TMLHE: variants seen among roughly 807,000 people sequenced by gnomAD.
TMLHE encodes trimethyllysine dioxygenase, mitochondrial.
TMLHE carries 18 observed loss-of-function variants against 25.7 expected under a neutral mutation model. The ratio of observed to expected loss-of-function variants is 0.70; its 90% CI spans 0.48 to 1.04. The LOEUF is 1.04. Among genes scored for constraint, TMLHE ranks in the 50% least tolerant of loss-of-function variants. The pLI is 0.00. For missense variants in TMLHE, 236 were observed against 259.0 expected (o/e 0.91, Z 0.61); for synonymous variants, 105 against 97.0 (o/e 1.08, Z -0.49).
intron 2 of TMLHE, among the ~76,000 whole-genome samples, chrX:155,525,069 CAAGGATCAA>C (rs2067211203): frequency 9.0e-6 from 1 of 111,465 alleles, no homozygotes; most frequent in African/African-American, 3.3e-5. Flanking sequence ...TGAAACCATT[CAAGGATCAA>C]AAGAAGGAAG....
intron 1 of TMLHE, among the ~76,000 whole-genome samples, chrX:155,601,151 C>T (rs1235732608): frequency 8.9e-6 from 1 of 111,891 alleles, no homozygotes; most frequent in African/African-American, 3.3e-5. Context: ...TTCCACAATA[C>T]ACAAAGACAG....
chrX:155,549,963 G>C (rs2067403347), intron 1 of TMLHE, among the ~76,000 whole-genome samples: 1 of 109,819 alleles, frequency 9.1e-6, no homozygotes, highest in Middle Eastern at 4.2e-3. Flanking sequence ...TTATGAGTGA[G>C]AACACGTGGT....
intron 1 of TMLHE, among the ~76,000 whole-genome samples, chrX:155,598,355 T>C (rs1557346800): frequency 9.1e-6 from 1 of 109,580 alleles, no homozygotes; most frequent in African/African-American, 3.3e-5. Flanking sequence ...ATATACACCA[T>C]GGAATACTAT....
At chrX:155,515,609 G>A (rs2067147323) in intron 3 of TMLHE, among the ~76,000 whole-genome samples, 1 of 111,436 alleles carries the variant, frequency 9.0e-6, no homozygotes, top group Admixed American at 9.5e-5. Flanking sequence ...CAGTACATAT[G>A]TGTCCATCAA....
At chrX:155,547,865 A>G (rs979077962) in intron 1 of TMLHE, among the ~76,000 whole-genome samples, 2 of 111,390 alleles carry the variant, frequency 1.8e-5, no homozygotes, top group African/African-American at 3.3e-5. Flanking sequence ...GGCATATACA[A>G]TGACACATAT....
At chrX:155,550,962 T>A (rs1557339956) in intron 1 of TMLHE, among the ~76,000 whole-genome samples, 2 of 110,775 alleles carry the variant, frequency 1.8e-5, no homozygotes, top group African/African-American at 6.7e-5. Flanking sequence ...GGACCAAAGA[T>A]ATTTTTACTT....
At chrX:155,513,768 A>G (rs1172650505) in intron 4 of TMLHE, among the ~76,000 whole-genome samples, 1 of 111,038 alleles carries the variant, frequency 9.0e-6, no homozygotes, top group Non-Finnish European at 1.9e-5. Context: ...CATATTACCA[A>G]TGACTCTGCA....
chrX:155,577,055 C>G (rs1557343863), intron 1 of TMLHE, among the ~76,000 whole-genome samples: 1 of 111,898 alleles, frequency 8.9e-6, no homozygotes, highest in Non-Finnish European at 1.9e-5. Context: ...AAGAAACTAT[C>G]AACAGAGTAA....
chrX:155,526,892 A>G (rs1557336530), intron 2 of TMLHE, among the ~76,000 whole-genome samples: 2 of 112,618 alleles, frequency 1.8e-5, no homozygotes, highest in African/African-American at 6.5e-5. Context: ...TCCCATTTGG[A>G]ATGGGAGCAT....
chrX:155,525,131 G>T (rs1179929175), intron 2 of TMLHE, among the ~76,000 whole-genome samples: 6 of 111,617 alleles, frequency 5.4e-5, no homozygotes, highest in Non-Finnish European at 1.1e-4. Context: ...ATATGGTTTG[G>T]CTCTGTGTCC....
At chrX:155,552,133 T>C in intron 1 of TMLHE, among the ~76,000 whole-genome samples, 1 of 110,145 alleles carries the variant, frequency 9.1e-6, no homozygotes, top group East Asian at 2.8e-4. Context: ...CTGTTTACAA[T>C]TTTCTAATAG....
At chrX:155,555,668 A>T (rs1417500674) in intron 1 of TMLHE, among the ~76,000 whole-genome samples, 6 of 110,478 alleles carry the variant, frequency 5.4e-5, no homozygotes, top group Non-Finnish European at 7.6e-5. Flanking sequence ...TGGCTGCATA[A>T]ATGTCTTTTG....
chrX:155,572,481 A>C (rs1409403951), intron 1 of TMLHE, among the ~76,000 whole-genome samples: 1 of 56,586 alleles, frequency 1.8e-5, no homozygotes, highest in African/African-American at 4.3e-5. Context: ...ATTAGAAAAA[A>C]CTACTTTAAA....
chrX:155,512,800 A>C (rs1438677841), intron 4 of TMLHE, among the ~76,000 whole-genome samples: 9 of 111,882 alleles, frequency 8.0e-5, no homozygotes, highest in African/African-American at 2.9e-4. Context: ...AGAAAAGGAT[A>C]GTTTGTGTTA....
intron 1 of TMLHE, among the ~76,000 whole-genome samples, chrX:155,595,171 A>G (rs782366998): frequency 8.9e-6 from 1 of 112,183 alleles, no homozygotes; most frequent in East Asian, 2.8e-4. Context: ...GTAAACAAAT[A>G]TAAAGATGCA....
intron 1 of TMLHE, among the ~76,000 whole-genome samples, chrX:155,558,595 T>A (rs1331211752): frequency 9.0e-6 from 1 of 111,555 alleles, no homozygotes; most frequent in Non-Finnish European, 1.9e-5. Context: ...CCCCTTTAAA[T>A]CTAAAATGTT....
Position 155,545,297 on chromosome X carries a change from C to A in TMLHE, c.-1-20G>T. ...CACATCCTAGAAGATTGGATAATAA[C>A]AAGTTAGTAGTAATATACAACAACT... On this transcript the variant is annotated intron_variant, in intron 1 of 7. Coordinates refer to ENST00000334398, the MANE Select transcript of TMLHE (RefSeq NM_018196.4). 2 of 1,156,204 alleles carry A rather than the reference C, an allele frequency of 1.7e-6. No homozygotes were observed. The highest frequency in any genetic ancestry group is 1.2e-6 in the Non-Finnish European group (1 of 866,171).
chrX:155,532,668 C>CATGT (rs1557337197), intron 2 of TMLHE, among the ~76,000 whole-genome samples: 5 of 86,077 alleles, frequency 5.8e-5, no homozygotes, highest in South Asian at 6.1e-4. Flanking sequence ...ATGCAAAATT[C>CATGT]GTGTGTGTGT....
At chrX:155,606,799 C>CCA (rs368378523) in intron 1 of TMLHE, among the ~76,000 whole-genome samples, 1 of 78,480 alleles carries the variant, frequency 1.3e-5, no homozygotes, top group Non-Finnish European at 2.4e-5. Flanking sequence ...CACAGAAATA[C>CCA]AAAAAAAAAA....
Sources: gnomAD v4.1 joint callset for allele counts (sites outside exome capture counted in the v4.1 genomes callset) on GRCh38, gnomAD v4.1.1 for gene constraint, MANE v1.5 for transcripts, NCBI Gene and HGNC (gene_info 2026-07-23, HGNC 2026-07-21) for gene names.